Variants in KIAA0825 observed in about 807,000 individuals in gnomAD.
KIAA0825 encodes the protein uncharacterized protein KIAA0825.
A neutral mutation model predicts 147.6 loss-of-function variants in KIAA0825; 119 were observed. The observed-to-expected ratio is 0.81, with a 90% CI of 0.69 to 0.94. The LOEUF (loss-of-function observed/expected upper bound fraction) is 0.94. Ranked by LOEUF, KIAA0825 falls within the 40% of genes least tolerant of loss-of-function variation. The pLI is 0.00. For missense variants in KIAA0825, 1,381 were observed against 1,472.7 expected, an observed-to-expected ratio of 0.94 and a Z score of 1.02; for synonymous variants, 470 against 518.1, an observed-to-expected ratio of 0.91 and a Z score of 1.26.
At chr5:94,443,185 A>T (rs1190830591) in intron 13 of KIAA0825, among the ~76,000 whole-genome samples, 4 of 152,124 alleles carry the variant, frequency 2.6e-5, no homozygotes, top group Non-Finnish European at 5.9e-5. Flanking sequence ...ATAAAATAGT[A>T]CAAACATTCT....
At chr5:94,383,358 C>A (rs1748687346) in intron 20 of KIAA0825, among the ~76,000 whole-genome samples, 1 of 152,144 alleles carries the variant, frequency 6.6e-6, no homozygotes, top group Non-Finnish European at 1.5e-5. Context: ...AGAAATACTG[C>A]AACCTCTCTC....
intron 20 of KIAA0825, among the ~76,000 whole-genome samples, chr5:94,200,957 ATATATATATATATATATATATATATATG>A (rs1349580806): frequency 1.5e-5 from 2 of 134,582 alleles, no homozygotes; most frequent in Non-Finnish European, 3.2e-5. Flanking sequence ...ATATATATAT[ATATATATATATATATATATATATATATG>A]TATATCAGGA....
In KIAA0825 at chr5:94,549,079, T is replaced by C. The variant is rs1055162298; in HGVS notation, c.-1-11952A>G. Among the ~76,000 whole-genome samples the C allele has an allele frequency of 4.6e-5, 7 of 152,130 alleles. No individual in the cohort carries two copies. The East Asian group carries it at 1.3e-3, about 29-fold the overall frequency. ...AACTTAATCTGCACTATAGAACAAA[T>C]GGTCCTAATAGATATTTATAGAATT... On this transcript the variant is annotated intron_variant, in intron 2 of 20. Transcript: ENST00000682413.
chr5:94,293,630 C>T (rs1023871200), intron 20 of KIAA0825, among the ~76,000 whole-genome samples: 3 of 152,148 alleles, frequency 2.0e-5, no homozygotes, highest in Non-Finnish European at 2.9e-5. Flanking sequence ...ATTAGGTCTG[C>T]TTGGTCCAGA....
In KIAA0825 at chr5:94,578,754, T is replaced by A. The variant is rs548017835; in HGVS notation, c.-2+3679A>T. Among the ~76,000 whole-genome samples, 34 of 152,312 alleles carry A rather than the reference T, an allele frequency of 2.2e-4. 1 individual carries two copies. Among genetic ancestry groups the A allele is most frequent in the Admixed American group, 2.0e-3 (31 of 15,296 alleles). The stretch of plus-strand genomic sequence containing the variant: ...GTGGTTTACAGGCTGTGCTTCTCAA[T>A]TTTTCATGTGCCAGTCACCTAAGTA... On this transcript the variant is annotated intron_variant, in intron 2 of 20. Coordinates refer to ENST00000682413, the MANE Select transcript of KIAA0825 (RefSeq NM_001145678.3).
intron 20 of KIAA0825, among the ~76,000 whole-genome samples, chr5:94,314,665 C>A (rs1779481476): frequency 6.6e-6 from 1 of 151,518 alleles, no homozygotes; most frequent in South Asian, 2.1e-4. Flanking sequence ...TCGCTGTATT[C>A]TTGTAAAGTG....
chr5:94,180,392 G>A (rs1458272562), intron 20 of KIAA0825, among the ~76,000 whole-genome samples: 1 of 152,012 alleles, frequency 6.6e-6, no homozygotes, highest in African/African-American at 2.4e-5. Flanking sequence ...AGCAACTAGA[G>A]ATATGACAAC....
At chr5:94,156,824 ATAGT>A (rs1410209865) in intron 20 of KIAA0825, among the ~76,000 whole-genome samples, 3 of 152,166 alleles carry the variant, frequency 2.0e-5, no homozygotes, top group African/African-American at 7.2e-5. Context: ...ATTTTCCTTA[ATAGT>A]TTTACTCATA....
chr5:94,162,465 AT>A (rs201812633), intron 20 of KIAA0825, among the ~76,000 whole-genome samples: 4 of 148,648 alleles, frequency 2.7e-5, no homozygotes, highest in Admixed American at 1.3e-4. Flanking sequence ...GTGGCCACCT[AT>A]TTTTTTTTTA....
At chr5:94,315,540 A>C (rs1779577175) in intron 20 of KIAA0825, among the ~76,000 whole-genome samples, 1 of 151,696 alleles carries the variant, frequency 6.6e-6, no homozygotes, top group Non-Finnish European at 1.5e-5. Flanking sequence ...TGGTGAGCCT[A>C]AGTTTTATAG....
chr5:94,363,211 T>G (rs550634113), intron 20 of KIAA0825, among the ~76,000 whole-genome samples: 1 of 151,904 alleles, frequency 6.6e-6, no homozygotes, highest in African/African-American at 2.4e-5. Flanking sequence ...CTCTGACTAT[T>G]ATTAGGTTTA....
At chr5:94,168,283 G>A (rs1768252428) in intron 20 of KIAA0825, among the ~76,000 whole-genome samples, 1 of 151,986 alleles carries the variant, frequency 6.6e-6, no homozygotes. Context: ...CTGTTCTTTT[G>A]CAAGGTTGTT....
At position 94,177,172 on chromosome 5, in the gene KIAA0825, C is replaced by T. The variant is rs139015439; in HGVS notation, c.3711-23048G>A. 9.9e-3 allele frequency among the ~76,000 whole-genome samples: 1,509 copies of T among 152,078 alleles called. 18 individuals carry two copies. The highest frequency in any genetic ancestry group is 0.034 in the African/African-American group (1,412 of 41,502). ...AATATCATTTCATTATTTTTAAAAT[C>T]TAGAAAAATGTCACCAATCAAATAT... On this transcript the variant is annotated intron_variant, in intron 20 of 20. Transcript: ENST00000682413.
At chr5:94,563,423 T>A (rs1012332101) in intron 2 of KIAA0825, among the ~76,000 whole-genome samples, 1 of 152,046 alleles carries the variant, frequency 6.6e-6, no homozygotes, top group South Asian at 2.1e-4. Flanking sequence ...AAAAGTTCTA[T>A]ATGTCAATTA....
chr5:94,422,652 T>A (rs1043140876), intron 14 of KIAA0825, among the ~76,000 whole-genome samples: 4 of 152,172 alleles, frequency 2.6e-5, no homozygotes, highest in Admixed American at 2.6e-4. Context: ...CCCGTTTTTC[T>A]TTCCCTCTGC....
chr5:94,303,428 C>G (rs1002738378), intron 20 of KIAA0825, among the ~76,000 whole-genome samples: 2 of 151,852 alleles, frequency 1.3e-5, no homozygotes, highest in East Asian at 3.9e-4. Context: ...AAACCACCAC[C>G]CTTTTAAAAA....
At chr5:94,343,235 T>C (rs536307781) in intron 20 of KIAA0825, among the ~76,000 whole-genome samples, 8 of 152,232 alleles carry the variant, frequency 5.3e-5, no homozygotes, top group Non-Finnish European at 1.2e-4. Flanking sequence ...CCACCTTTTT[T>C]TGAATATGTT....
intron 14 of KIAA0825, among the ~76,000 whole-genome samples, chr5:94,437,863 G>A (rs1270100855): frequency 1.3e-5 from 2 of 152,148 alleles, no homozygotes; most frequent in Non-Finnish European, 2.9e-5. Context: ...AAAGCACTTA[G>A]ACTATAAAGT....
chr5:94,563,094 C>T (rs1017469035), intron 2 of KIAA0825, among the ~76,000 whole-genome samples: 2 of 151,860 alleles, frequency 1.3e-5, no homozygotes, highest in African/African-American at 2.4e-5. Context: ...GTAATCCCAG[C>T]ACTTTGGGAG....
Sources: allele counts gnomAD v4.1 joint callset (sites outside exome capture counted in the v4.1 genomes callset), GRCh38; gene constraint gnomAD v4.1.1; transcripts MANE v1.5; gene names NCBI Gene and HGNC (gene_info 2026-07-23, HGNC 2026-07-21).